ROBO1: variants seen among roughly 807,000 people sequenced by gnomAD.
ROBO1 encodes roundabout guidance receptor 1.
ROBO1 carries 149 observed loss-of-function variants against 195.9 expected under a neutral mutation model. That is an observed-to-expected ratio of 0.76 (90% CI 0.67 to 0.87). The LOEUF (loss-of-function observed/expected upper bound fraction) is 0.87, where lower values mean the gene tolerates loss of function less well. Ranked by LOEUF, ROBO1 falls within the 40% of genes least tolerant of loss-of-function variation. The pLI is 0.00. For missense variants in ROBO1, 1,933 were observed against 2,068.3 expected (o/e 0.93, Z 1.27); for synonymous variants, 816 against 733.2 (o/e 1.11, Z -1.82).
At chr3:79,523,422 CA>C (rs1237404703) in intron 2 of ROBO1, among the ~76,000 whole-genome samples, 1 of 148,248 alleles carries the variant, frequency 6.7e-6, no homozygotes, top group African/African-American at 2.5e-5. Flanking sequence ...AATTGTTCAC[CA>C]AAAAAGCCCA....
intron 2 of ROBO1, among the ~76,000 whole-genome samples, chr3:79,180,735 A>T (rs185908070): frequency 6.6e-6 from 1 of 152,210 alleles, no homozygotes; most frequent in Non-Finnish European, 1.5e-5. Context: ...ATAAAGGAAA[A>T]AAGTCAGTGT....
chr3:79,204,725 T>A (rs1274628709), intron 2 of ROBO1, among the ~76,000 whole-genome samples: 2 of 152,162 alleles, frequency 1.3e-5, no homozygotes, highest in African/African-American at 2.4e-5. Flanking sequence ...TTCTAAATTT[T>A]GCTAATCTCA....
At chr3:79,056,064 A>G (rs2078801666) in intron 3 of ROBO1, among the ~76,000 whole-genome samples, 1 of 152,142 alleles carries the variant, frequency 6.6e-6, no homozygotes, top group South Asian at 2.1e-4. Flanking sequence ...CATCCAACCC[A>G]GCATGCCTGC....
chr3:79,345,426 T>G (rs2035073072), intron 2 of ROBO1, among the ~76,000 whole-genome samples: 1 of 152,096 alleles, frequency 6.6e-6, no homozygotes, highest in Admixed American at 6.6e-5. Flanking sequence ...CTCCCTTTTT[T>G]ATATGACTTC....
At chr3:79,763,246 CG>C (rs1704807841) in intron 1 of ROBO1, among the ~76,000 whole-genome samples, 3 of 141,436 alleles carry the variant, frequency 2.1e-5, no homozygotes, top group African/African-American at 8.2e-5. Context: ...CTATCGAGTG[CG>C]AAAAAATAAT....
At chr3:79,137,131 C>T (rs1395225450) in intron 2 of ROBO1, among the ~76,000 whole-genome samples, 1 of 151,824 alleles carries the variant, frequency 6.6e-6, no homozygotes, top group Admixed American at 6.6e-5. Context: ...TACAATGATC[C>T]AAGTGGACAA....
chr3:78,653,989 TACA>T (rs745569329), intron 18 of ROBO1, among the ~76,000 whole-genome samples: 72 of 152,330 alleles, frequency 4.7e-4, no homozygotes, highest in Non-Finnish European at 1.5e-4. Flanking sequence ...TAGAAAGAAA[TACA>T]ACAATTCTGC....
chr3:78,631,190 G>A lies in ROBO1; in HGVS notation c.3597C>T (p.Ser1199=), dbSNP rs373039151. Reference sequence around the variant, plus strand: ...CATCTACAGAAATGTTGTACTCTTCGCTATTGCTGTGTGGAGGAGGATGTG... The same window carrying A: ...CATCTACAGAAATGTTGTACTCTTCACTATTGCTGTGTGGAGGAGGATGTG... ...PPAHPPPHSN[S]EEYNISVDES... is the part of the protein sequence containing the mutation. The change falls in exon 25 of 31, where the codon AGC becomes AGT. Residue 1199 remains serine, a synonymous_variant. Coordinates refer to ENST00000464233, the MANE Select transcript of ROBO1 (RefSeq NM_002941.4). 2.2e-5 allele frequency: 35 copies of A among 1,612,254 alleles called. No individual in the cohort carries two copies. Among genetic ancestry groups the A allele is most frequent in the South Asian group, 5.5e-5 (5 of 90,854 alleles).
At chr3:78,772,815 T>G (rs2083411371) in intron 4 of ROBO1, among the ~76,000 whole-genome samples, 1 of 151,936 alleles carries the variant, frequency 6.6e-6, no homozygotes, top group African/African-American at 2.4e-5. Flanking sequence ...TGGTGAAGAG[T>G]TTTCACTATT....
At chr3:79,205,516 C>G (rs2081851663) in intron 2 of ROBO1, among the ~76,000 whole-genome samples, 1 of 152,092 alleles carries the variant, frequency 6.6e-6, no homozygotes, top group Non-Finnish European at 1.5e-5. Context: ...TAATGATTAT[C>G]ATTGTTGAAT....
chr3:79,704,133 C>T (rs1269290520), intron 1 of ROBO1, among the ~76,000 whole-genome samples: 3 of 151,910 alleles, frequency 2.0e-5, no homozygotes, highest in Non-Finnish European at 4.4e-5. Context: ...CCTATACCCA[C>T]TGTACACAGG....
intron 3 of ROBO1, among the ~76,000 whole-genome samples, chr3:79,113,679 A>G (rs1245899486): frequency 2.0e-5 from 3 of 152,078 alleles, no homozygotes; most frequent in African/African-American, 7.2e-5. Flanking sequence ...AGGCAGGATA[A>G]TCGCTTGAAC....
chr3:79,678,266 G>C (rs992728548), intron 1 of ROBO1, among the ~76,000 whole-genome samples: 1 of 151,622 alleles, frequency 6.6e-6, no homozygotes, highest in African/African-American at 2.4e-5. Context: ...TGAACATGAG[G>C]AGCAGATTAG....
At chr3:79,307,459 T>G (rs996750121) in intron 2 of ROBO1, among the ~76,000 whole-genome samples, 3 of 152,186 alleles carry the variant, frequency 2.0e-5, no homozygotes, top group Admixed American at 6.5e-5. Flanking sequence ...AAAAGATCAC[T>G]GGAGTATAAA....
chr3:79,521,172 C>T (rs902718104), intron 2 of ROBO1, among the ~76,000 whole-genome samples: 1 of 152,164 alleles, frequency 6.6e-6, no homozygotes, highest in Admixed American at 6.6e-5. Flanking sequence ...ATACTGGTTT[C>T]CTGTCTTTAA....
At chr3:79,079,485 C>T (rs1019853967) in intron 3 of ROBO1, among the ~76,000 whole-genome samples, 5 of 151,552 alleles carry the variant, frequency 3.3e-5, no homozygotes, top group African/African-American at 1.2e-4. Context: ...AGAAGTGGGC[C>T]GAGAGACTGC....
chr3:79,098,428 C>T (rs775450858), intron 3 of ROBO1, among the ~76,000 whole-genome samples: 15 of 151,854 alleles, frequency 9.9e-5, no homozygotes, highest in East Asian at 5.8e-4. Flanking sequence ...ATGTATTAGG[C>T]ATGCTGAAAA....
intron 2 of ROBO1, among the ~76,000 whole-genome samples, chr3:79,485,317 T>A (rs2107411826): frequency 6.6e-6 from 1 of 152,296 alleles, no homozygotes; most frequent in Non-Finnish European, 1.5e-5. Context: ...TGTATAATTC[T>A]ATCTAGTATT....
chr3:78,727,830 C>T (rs886756119), intron 5 of ROBO1, among the ~76,000 whole-genome samples: 27 of 152,040 alleles, frequency 1.8e-4, no homozygotes, highest in African/African-American at 6.5e-4. Context: ...CTTATATTTA[C>T]TGATCTAGTG....
Sources: allele counts gnomAD v4.1 joint callset (sites outside exome capture counted in the v4.1 genomes callset), GRCh38; gene constraint gnomAD v4.1.1; transcripts MANE v1.5; gene names NCBI Gene and HGNC (gene_info 2026-07-23, HGNC 2026-07-21).